Variants in GBA1 observed in about 807,000 individuals in gnomAD.
GBA1 encodes the protein lysosomal acid glucosylceramidase.
the GBA1 span, chr1:155,235,703 A>C: frequency 6.2e-7 from 1 of 1,610,362 alleles, no homozygotes; most frequent in Admixed American, 1.7e-5. Context: ...AGGTGGTAGA[A>C]CATGGGCTGT....
At chr1:155,240,527 G>C in the GBA1 span, 2 of 898,204 alleles carry the variant, frequency 2.2e-6, no homozygotes, top group Admixed American at 1.7e-5. Flanking sequence ...GATTTATTGA[G>C]CACCTACTAA....
the GBA1 span, chr1:155,235,957 G>A: frequency 1.0e-4 from 125 of 1,227,986 alleles, no homozygotes; most frequent in Middle Eastern, 1.3e-3. Flanking sequence ...GCCCTGTGAG[G>A]GGCACATTCC....
chr1:155,238,957 G>C, the GBA1 span: 1 of 394,254 alleles, frequency 2.5e-6, no homozygotes, highest in Non-Finnish European at 4.8e-6. Flanking sequence ...AGTGGCTCAC[G>C]CATGTAATCC....
At chr1:155,240,945 C>A in the GBA1 span, 7 of 866,830 alleles carry the variant, frequency 8.1e-6, no homozygotes, top group Non-Finnish European at 1.4e-5. Flanking sequence ...CCCATTTCAA[C>A]TTCGACCCCT....
At chr1:155,235,019 G>C in the GBA1 span, 1 of 882,396 alleles carries the variant, frequency 1.1e-6, no homozygotes, top group Non-Finnish European at 1.7e-6. Context: ...ACAGGTAGGT[G>C]TGAATGGAGT....
At chr1:155,239,538 T>A in the GBA1 span, 1 of 1,516,986 alleles carries the variant, frequency 6.6e-7, no homozygotes, top group Non-Finnish European at 9.0e-7. Flanking sequence ...AGATTCTGCC[T>A]CAAAAAAATT....
the GBA1 span, among the ~76,000 whole-genome samples, chr1:155,236,777 G>A: frequency 6.6e-6 from 1 of 151,434 alleles, no homozygotes; most frequent in Admixed American, 6.6e-5. Flanking sequence ...GTGTATGTAT[G>A]TGTGTGTGTG....
chr1:155,235,791 G>A, the GBA1 span: 23 of 1,614,208 alleles, frequency 1.4e-5, no homozygotes, highest in East Asian at 1.3e-4. Flanking sequence ...GTCCTCCTTC[G>A]GGGTTCAGGG....
At chr1:155,236,697 C>T in the GBA1 span, among the ~76,000 whole-genome samples, 2 of 152,002 alleles carry the variant, frequency 1.3e-5, no homozygotes, top group African/African-American at 2.4e-5. Flanking sequence ...AACTGATCCT[C>T]CCACATTAGC....
At chr1:155,237,031 AT>A in the GBA1 span, among the ~76,000 whole-genome samples, 57,292 of 147,944 alleles carry the variant, frequency 0.39, 11,859 homozygotes, top group East Asian at 0.7. Context: ...TGCCCAGATA[AT>A]TTTTTTTTTT....
the GBA1 span, chr1:155,235,217 C>G: frequency 5.8e-4 from 936 of 1,612,176 alleles, 1 homozygote; most frequent in Admixed American, 1.7e-3. Flanking sequence ...ACCACAACAG[C>G]AGAGCCATCG....
At chr1:155,240,534 C>T in the GBA1 span, 1 of 964,326 alleles carries the variant, frequency 1.0e-6, no homozygotes, top group Admixed American at 1.7e-5. Flanking sequence ...TGAGCACCTA[C>T]TAAAAGTCTA....
At chr1:155,239,504 C>G in the GBA1 span, 2 of 1,206,694 alleles carry the variant, frequency 1.7e-6, no homozygotes, top group South Asian at 2.6e-5. Context: ...GCACTCCTGT[C>G]TCGCCGACAG....
chr1:155,238,520 G>C, the GBA1 span: 2 of 1,612,314 alleles, frequency 1.2e-6, no homozygotes, highest in African/African-American at 2.7e-5. Context: ...TGCCTACCTT[G>C]AGCTTGGTAT....
the GBA1 span, chr1:155,236,315 T>C: frequency 2.5e-6 from 4 of 1,614,056 alleles, no homozygotes; most frequent in African/African-American, 5.3e-5. Context: ...CTCCCAGAAC[T>C]TGGAGCCCAC....
the GBA1 span, chr1:155,235,768 C>T: frequency 9.3e-6 from 15 of 1,614,088 alleles, no homozygotes; most frequent in African/African-American, 1.3e-5. Flanking sequence ...GACAAAGTTA[C>T]GCACCCAATT....
At chr1:155,239,262 G>A in the GBA1 span, among the ~76,000 whole-genome samples, 1 of 152,046 alleles carries the variant, frequency 6.6e-6, no homozygotes, top group South Asian at 2.1e-4. Flanking sequence ...GGGCTCGGTG[G>A]CTCACACTTG....
chr1:155,238,683 C>G, the GBA1 span: 1 of 1,613,054 alleles, frequency 6.2e-7, no homozygotes, highest in East Asian at 2.2e-5. Context: ...TATGGTAGTC[C>G]GAGTCAATAG....
chr1:155,241,259 A>T, the GBA1 span: 8 of 745,698 alleles, frequency 1.1e-5, no homozygotes, highest in Non-Finnish European at 1.9e-5. Context: ...CGGCTTCCCG[A>T]TGTGGATGGG....
Sources: gnomAD v4.1 joint callset for allele counts (sites outside exome capture counted in the v4.1 genomes callset) on GRCh38, gnomAD v4.1.1 for gene constraint, MANE v1.5 for transcripts, NCBI Gene and HGNC (gene_info 2026-07-23, HGNC 2026-07-21) for gene names.